The following ADAMTSL3 variants were observed in gnomAD, a reference collection of about 807,000 sequenced individuals.
The protein encoded by ADAMTSL3 is ADAMTS like 3, also known as ADAMTS-like protein 3.
In ADAMTSL3, 128 loss-of-function variants were observed where a neutral mutation model predicts 201.7. The observed-to-expected ratio is 0.63, with a 90% CI of 0.55 to 0.73. ADAMTSL3 has a LOEUF of 0.73. Among genes scored for constraint, ADAMTSL3 ranks in the 30% least tolerant of loss-of-function variants. The pLI, the probability that ADAMTSL3 is intolerant of heterozygous loss-of-function variation, is 0.00. For synonymous variants in ADAMTSL3, 738 were observed against 748.4 expected, an observed-to-expected ratio of 0.99 and a Z score of 0.23; for missense variants, 1,990 against 2,119.6, an observed-to-expected ratio of 0.94 and a Z score of 1.20.
chr15:83,864,950 G>A (rs1316927245), intron 8 of ADAMTSL3, among the ~76,000 whole-genome samples: 1 of 152,280 alleles, frequency 6.6e-6, no homozygotes, highest in East Asian at 1.9e-4. Flanking sequence ...AAAATCACAA[G>A]CATTCTTATA....
intron 15 of ADAMTSL3, among the ~76,000 whole-genome samples, chr15:83,901,423 A>T (rs2170262): frequency 0.63 from 95,145 of 151,744 alleles, 30,905 homozygotes; most frequent in African/African-American, 0.79. Flanking sequence ...ACAAGGAAAA[A>T]CCATGAGGAA....
chr15:83,957,480 G>C (rs2066883286), intron 19 of ADAMTSL3, among the ~76,000 whole-genome samples: 1 of 152,152 alleles, frequency 6.6e-6, no homozygotes, highest in Non-Finnish European at 1.5e-5. Flanking sequence ...ATGGTGATTG[G>C]AATAAAATCA....
chr15:83,739,787 C>G (rs1596118778), intron 3 of ADAMTSL3: 1 of 568,580 alleles, frequency 1.8e-6, no homozygotes, highest in East Asian at 4.6e-5. Flanking sequence ...CCCCATCATG[C>G]ATGAGTACAT....
intron 16 of ADAMTSL3, among the ~76,000 whole-genome samples, chr15:83,923,578 CT>C (rs2066187509): frequency 6.6e-6 from 1 of 152,148 alleles, no homozygotes; most frequent in Non-Finnish European, 1.5e-5. Flanking sequence ...GGGGGAACTC[CT>C]AGCTTTGAGT....
intron 2 of ADAMTSL3, among the ~76,000 whole-genome samples, chr15:83,692,560 C>T (rs1416209621): frequency 6.6e-6 from 1 of 151,736 alleles, no homozygotes; most frequent in Non-Finnish European, 1.5e-5. Context: ...GCGGCGGGCA[C>T]CTGTAGCCCC....
intron 8 of ADAMTSL3, among the ~76,000 whole-genome samples, chr15:83,864,049 C>G (rs2064923808): frequency 6.6e-6 from 1 of 152,140 alleles, no homozygotes; most frequent in Non-Finnish European, 1.5e-5. Flanking sequence ...TACACCCTCC[C>G]AAGACTAAAC....
At chr15:83,670,528 A>T (rs1367160414) in intron 2 of ADAMTSL3, among the ~76,000 whole-genome samples, 1 of 152,120 alleles carries the variant, frequency 6.6e-6, no homozygotes, top group African/African-American at 2.4e-5. Flanking sequence ...TATGTTTTTC[A>T]TAATACTTAA....
rs372536946 is a variant in ADAMTSL3, at chr15:84,037,822, A to G, written c.*16A>G. 5 of 1,601,684 alleles carry G rather than the reference A, an allele frequency of 3.1e-6. No homozygotes were observed. Among genetic ancestry groups the G allele is most frequent in the African/African-American group, 2.7e-5 (2 of 74,092 alleles). ...AGAGGGATAAACCTTTGGAGGGGTCATGATGCTGCTGTGAAGATAAAAGTA... is the reference window on the plus strand; with the variant it reads ...AGAGGGATAAACCTTTGGAGGGGTCGTGATGCTGCTGTGAAGATAAAAGTA... On this transcript the variant is annotated 3_prime_UTR_variant, in exon 30 of 30. Transcript: ENST00000286744.
intron 3 of ADAMTSL3, among the ~76,000 whole-genome samples, chr15:83,740,875 A>T (rs1287844306): frequency 6.6e-6 from 1 of 152,184 alleles, no homozygotes; most frequent in Non-Finnish European, 1.5e-5. Flanking sequence ...TGAATACTTT[A>T]AAATCCAAAT....
intron 2 of ADAMTSL3, among the ~76,000 whole-genome samples, chr15:83,691,056 A>G (rs917600309): frequency 2.6e-5 from 4 of 152,078 alleles, no homozygotes; most frequent in Non-Finnish European, 4.4e-5. Context: ...GTGTGGCTCT[A>G]TCTGAGGGCT....
Position 83,856,051 on chromosome 15 carries a change from G to A in ADAMTSL3, c.728-2715G>A, listed in dbSNP as rs1439265807. On this transcript the variant is annotated intron_variant, in intron 7 of 29. Transcript: ENST00000286744. ...AACAAAACAAAAGAAAAACAACAAA[G>A]CATGATGAATGCATTAATCTTTTCT... Among the ~76,000 whole-genome samples, 6 of 150,424 alleles carry A rather than the reference G, an allele frequency of 4.0e-5. No individual in the cohort carries two copies. The East Asian group carries it at 9.9e-4, about 25-fold the overall frequency.
chr15:83,670,969 A>T (rs981054054), intron 2 of ADAMTSL3, among the ~76,000 whole-genome samples: 2 of 152,234 alleles, frequency 1.3e-5, no homozygotes, highest in African/African-American at 4.8e-5. Context: ...TAACATGAGG[A>T]AACATAGTAA....
intron 3 of ADAMTSL3, among the ~76,000 whole-genome samples, chr15:83,754,184 C>G (rs1403026560): frequency 6.6e-6 from 1 of 152,144 alleles, no homozygotes; most frequent in Non-Finnish European, 1.5e-5. Flanking sequence ...TAAATGTCTC[C>G]AGGCATCTCA....
chr15:83,714,791 T>TTCTC lies in ADAMTSL3; in HGVS notation c.189+10289_189+10292dup, dbSNP rs149469907. Among the ~76,000 whole-genome samples, 403 of 78,878 alleles carry TTCTC rather than the reference T, an allele frequency of 5.1e-3. 22 individuals carry two copies. The highest frequency in any genetic ancestry group is 9.4e-3 in the African/African-American group (184 of 19,668). 51.7% of individuals were successfully genotyped at this position (78,878 alleles called of 152,430 possible). A position where few individuals can be genotyped will look rare whatever the true frequency, so the allele number is the denominator to read the frequency against. On this transcript the variant is annotated intron_variant, in intron 3 of 29. Transcript: ENST00000286744. ...TCTTTCTTTCTTTCTTTCTTTTTCT[T>TTCTC]TCTCTCTCTTTCTTTCTTCTTTCTT...
chr15:83,825,946 T>G lies in ADAMTSL3; in HGVS notation c.600+5899T>G, dbSNP rs1472955549. ...GCTGTTTCATAATTTTATAAAGAAT[T>G]TGGGCTTGTCTTTAGAAAGGTCATT... On this transcript the variant is annotated intron_variant, in intron 6 of 29. Coordinates refer to ENST00000286744, the MANE Select transcript of ADAMTSL3 (RefSeq NM_207517.3). Among the ~76,000 whole-genome samples the G allele has an allele frequency of 2.0e-5, 3 of 152,106 alleles. No homozygotes were observed. The East Asian group carries it at 5.8e-4, about 29-fold the overall frequency.
In ADAMTSL3 at chr15:83,872,865, TTGTA is replaced by T. The variant is rs1371458126; in HGVS notation, c.960+1911_960+1914del. Among the ~76,000 whole-genome samples the T allele has an allele frequency of 4.1e-5, 6 of 145,636 alleles. 2 individuals are homozygous for T. Among genetic ancestry groups the T allele is most frequent in the African/African-American group, 1.6e-4 (6 of 38,082 alleles). On this transcript the variant is annotated intron_variant, in intron 9 of 29. Coordinates refer to ENST00000286744, the MANE Select transcript of ADAMTSL3 (RefSeq NM_207517.3). Reference sequence around the variant, plus strand: ...ACATAAGCTGCATATTTCTATGAGTTTGTATGTACACACACGTATATGTATATGT... The same window carrying T: ...ACATAAGCTGCATATTTCTATGAGTTTGTACACACACGTATATGTATATGT...
chr15:83,796,609 A>G (rs117047853), intron 4 of ADAMTSL3, among the ~76,000 whole-genome samples: 127 of 152,332 alleles, frequency 8.3e-4, no homozygotes, highest in Non-Finnish European at 1.3e-3. Flanking sequence ...TAAGTATCAT[A>G]TAGGAGTGCA....
At chr15:84,030,791 C>T (rs2068393654) in intron 27 of ADAMTSL3, among the ~76,000 whole-genome samples, 2 of 152,116 alleles carry the variant, frequency 1.3e-5, no homozygotes, top group Admixed American at 1.3e-4. Flanking sequence ...TTTTAATCCC[C>T]ACAATCCCCA....
At chr15:83,773,240 T>C (rs1375899596) in intron 3 of ADAMTSL3, among the ~76,000 whole-genome samples, 2 of 152,030 alleles carry the variant, frequency 1.3e-5, no homozygotes, top group African/African-American at 4.8e-5. Flanking sequence ...GGCAAAACCC[T>C]GTCTCTACTA....
Sources: gnomAD v4.1 joint callset for allele counts (sites outside exome capture counted in the v4.1 genomes callset) on GRCh38, gnomAD v4.1.1 for gene constraint, MANE v1.5 for transcripts, NCBI Gene and HGNC (gene_info 2026-07-23, HGNC 2026-07-21) for gene names.